KCNQ1: variants seen among roughly 807,000 people sequenced by gnomAD.
The protein encoded by KCNQ1 is potassium voltage-gated channel subfamily KQT member 1.
A neutral mutation model predicts 72.4 loss-of-function variants in KCNQ1; 49 were observed. The ratio of observed to expected loss-of-function variants is 0.68; its 90% CI spans 0.54 to 0.86. KCNQ1 has a LOEUF of 0.86. Among genes scored for constraint, KCNQ1 ranks in the 40% least tolerant of loss-of-function variants. KCNQ1 has a pLI of 0.00. For missense variants in KCNQ1, 790 were observed against 945.1 expected (o/e 0.84, Z 2.15); for synonymous variants, 450 against 412.6 (o/e 1.09, Z -1.10).
intron 10 of KCNQ1, chr11:2,615,226 G>T: frequency 5.0e-6 from 2 of 398,060 alleles, no homozygotes; most frequent in South Asian, 1.3e-4. Context: ...AGGCACAAAT[G>T]ATTTTCTTAA....
intron 1 of KCNQ1, among the ~76,000 whole-genome samples, chr11:2,469,436 G>A (rs1468358801): frequency 6.6e-6 from 1 of 151,854 alleles, no homozygotes; most frequent in Non-Finnish European, 1.5e-5. Context: ...ACCATGACTG[G>A]CTAATATTTG....
In KCNQ1 at chr11:2,508,309, T is replaced by G. The variant is rs1054186998; in HGVS notation, c.387-19619T>G. 1.6e-4 allele frequency among the ~76,000 whole-genome samples: 25 copies of G among 152,200 alleles called. No homozygotes were observed. The highest frequency in any genetic ancestry group is 1.2e-3 in the Admixed American group (19 of 15,290). On this transcript the variant is annotated intron_variant, in intron 1 of 15. Coordinates refer to ENST00000155840, the MANE Select transcript of KCNQ1 (RefSeq NM_000218.3). This position sits in a 1 kb window ranked among gnomAD's most constrained non-coding sequence, Gnocchi z 6.2. ...GACTTGCCGTTACCCGGCGGAGATA[T>G]GTCTTGGAAAGACTTTAGGCCAGGA... is the stretch of plus-strand genomic sequence containing the variant.
intron 12 of KCNQ1, among the ~76,000 whole-genome samples, chr11:2,773,058 C>A (rs1846627903): frequency 1.3e-5 from 2 of 152,234 alleles, no homozygotes; most frequent in African/African-American, 4.8e-5. Context: ...CAACTCCCAT[C>A]CTATGTCATC....
At position 2,673,129 on chromosome 11, in the gene KCNQ1, C is replaced by T. The variant is rs758387911; in HGVS notation, c.1514+11048C>T. The T allele has an allele frequency of 2.5e-5, 10 of 398,734 alleles. No individual in the cohort carries two copies. The highest frequency in any genetic ancestry group is 3.5e-5 in the Non-Finnish European group (8 of 226,258). The allele number at this position is 398,734 out of a possible 1,614,324, so 24.7% of individuals were successfully genotyped here. The stretch of plus-strand genomic sequence containing the variant: ...GAGACCCCAGCAGGCAGCATCAGGG[C>T]AGGGGTGCTGACCATCCCTGACCCA... On this transcript the variant is annotated intron_variant, in intron 11 of 15. Coordinates refer to ENST00000155840, the MANE Select transcript of KCNQ1 (RefSeq NM_000218.3). This position sits in a 1 kb window ranked among gnomAD's most constrained non-coding sequence, Gnocchi z 4.5.
chr11:2,628,580 G>A (rs11023540), intron 10 of KCNQ1: 283,668 of 398,172 alleles, frequency 0.71, 102,360 homozygotes, highest in East Asian at 0.86. Flanking sequence ...ATTTTCTCCC[G>A]CTACATGTGC....
At chr11:2,799,383 T>TGA (rs1218316713) in intron 15 of KCNQ1, among the ~76,000 whole-genome samples, 2 of 151,902 alleles carry the variant, frequency 1.3e-5, no homozygotes, top group African/African-American at 2.4e-5. Context: ...CGAGTGTGTG[T>TGA]GTGTGTGTGT....
At chr11:2,590,732 C>T (rs960941151) in intron 10 of KCNQ1, among the ~76,000 whole-genome samples, 1 of 152,238 alleles carries the variant, frequency 6.6e-6, no homozygotes, top group African/African-American at 2.4e-5. Context: ...GAGGCTTGAC[C>T]CCACCCTGGA....
intron 10 of KCNQ1, chr11:2,628,797 T>A (rs1849304121): frequency 2.5e-6 from 1 of 398,270 alleles, no homozygotes; most frequent in Non-Finnish European, 4.4e-6. Flanking sequence ...TTCTCTACAG[T>A]GTAGGGTAAG....
At chr11:2,605,789 A>T (rs1589977602) in intron 10 of KCNQ1, among the ~76,000 whole-genome samples, 1 of 152,226 alleles carries the variant, frequency 6.6e-6, no homozygotes, top group East Asian at 1.9e-4. Context: ...GAAGTTGAAC[A>T]TCAGCTTATT....
chr11:2,624,960 T>G lies in KCNQ1; in HGVS notation c.1393+36106T>G, dbSNP rs1157126185. ...TGAATAATATTACATTGTATGTATA[T>G]ACCACATTTTGCTTATCCATTCTTC... On this transcript the variant is annotated intron_variant, in intron 10 of 15. Transcript: ENST00000155840. This position sits in a 1 kb window ranked among gnomAD's most constrained non-coding sequence, Gnocchi z 4.9. The G allele has an allele frequency of 1.5e-5, 6 of 398,488 alleles. No homozygotes were observed. The highest frequency in any genetic ancestry group is 2.2e-5 in the Non-Finnish European group (5 of 226,072). The allele number at this position is 398,488 out of a possible 1,614,324, so 24.7% of individuals were successfully genotyped here. A position where few individuals can be genotyped will look rare whatever the true frequency, so the allele number is the denominator to read the frequency against.
In KCNQ1 at chr11:2,450,511, G is replaced by A. The variant is rs1484970342; in HGVS notation, c.386+5027G>A. 6.6e-6 allele frequency among the ~76,000 whole-genome samples: 1 copy of A among 152,220 alleles called. No individual in the cohort carries two copies. The highest frequency in any genetic ancestry group is 2.4e-5 in the African/African-American group (1 of 41,536). Reference sequence around the variant, plus strand: ...GGCGGCAGCGTCTGGCTTCACTCTCGGGAGGTGCCTTGGGGCTGGCCAGTA... The same window carrying A: ...GGCGGCAGCGTCTGGCTTCACTCTCAGGAGGTGCCTTGGGGCTGGCCAGTA... On this transcript the variant is annotated intron_variant, in intron 1 of 15. Coordinates refer to ENST00000155840, the MANE Select transcript of KCNQ1 (RefSeq NM_000218.3). The surrounding 1 kb of genome is among the most constrained non-coding windows in gnomAD (Gnocchi z 7.9).
chr11:2,714,236 G>T (rs570094404), intron 11 of KCNQ1, among the ~76,000 whole-genome samples: 1 of 152,352 alleles, frequency 6.6e-6, no homozygotes, highest in East Asian at 1.9e-4. Context: ...GCATCTCATG[G>T]GGGGGTTGGG....
intron 1 of KCNQ1, among the ~76,000 whole-genome samples, chr11:2,489,793 T>C (rs974533384): frequency 1.1e-4 from 16 of 152,118 alleles, no homozygotes; most frequent in African/African-American, 3.9e-4. Context: ...TCCACTGCCT[T>C]GGAGGGAAGG....
In KCNQ1 at chr11:2,462,037, C is replaced by T. The variant is rs532245335; in HGVS notation, c.386+16553C>T. The T allele has an allele frequency of 2.4e-5, 8 of 327,648 alleles. No individual in the cohort carries two copies. Among genetic ancestry groups the T allele is most frequent in the East Asian group, 7.8e-5 (1 of 12,852 alleles). The allele number at this position is 327,648 out of a possible 1,614,324, so 20.3% of individuals were successfully genotyped here. A position where few individuals can be genotyped will look rare whatever the true frequency, so the allele number is the denominator to read the frequency against. ...AGCTGGGATGCATTGCTGCTCCTTC[C>T]GCCATCCCAGCAGCTGTCCAGAGAT... On this transcript the variant is annotated intron_variant, in intron 1 of 15. Transcript: ENST00000155840. The surrounding 1 kb of genome is among the most constrained non-coding windows in gnomAD (Gnocchi z 8.2).
chr11:2,582,013 G>GT (rs1250075916), intron 6 of KCNQ1, among the ~76,000 whole-genome samples: 1 of 152,230 alleles, frequency 6.6e-6, no homozygotes, highest in African/African-American at 2.4e-5. Context: ...CAGGGCACTA[G>GT]TGGGGCAGGG....
In KCNQ1 at chr11:2,445,342, CG is replaced by C; in HGVS notation, c.246del (p.Pro83ArgfsTer3). The stretch of plus-strand genomic sequence containing the variant: ...CCCAGTTGCCTCCGACCTTGGCCCG[CG>C]GCCGCCGGTGAGCCTAGACCCGCGC... ...APPVASDLGP[R>X]PPVSLDPRVS... On this transcript the variant is annotated frameshift_variant, in exon 1 of 16. Coordinates refer to ENST00000155840, the MANE Select transcript of KCNQ1 (RefSeq NM_000218.3). LOFTEE classifies it high-confidence loss of function. The C allele has an allele frequency of 6.3e-7, 1 of 1,591,418 alleles. No individual in the cohort carries two copies. The highest frequency in any genetic ancestry group is 1.1e-5 in the South Asian group (1 of 90,240).
chr11:2,492,895 T>C lies in KCNQ1; in HGVS notation c.387-35033T>C, dbSNP rs546638953. On this transcript the variant is annotated intron_variant, in intron 1 of 15. Coordinates refer to ENST00000155840, the MANE Select transcript of KCNQ1 (RefSeq NM_000218.3). The surrounding 1 kb of genome is among the most constrained non-coding windows in gnomAD (Gnocchi z 4.1). ...GTAATGGGATTGCTGGGTCAAATGG[T>C]ATTTCTAGTTCTAGAATCTAGTTCT... is the stretch of plus-strand genomic sequence containing the variant. Among the ~76,000 whole-genome samples, 18 of 152,320 alleles carry C rather than the reference T, an allele frequency of 1.2e-4. No individual in the cohort carries two copies. The highest frequency in any genetic ancestry group is 9.8e-4 in the Admixed American group (15 of 15,298).
intron 11 of KCNQ1, among the ~76,000 whole-genome samples, chr11:2,726,760 A>G (rs546635302): frequency 7.2e-5 from 11 of 152,278 alleles, no homozygotes; most frequent in Admixed American, 2.6e-4. Flanking sequence ...CGGCTTTCCC[A>G]TGGAATGTGC....
chr11:2,599,644 A>C lies in KCNQ1; in HGVS notation c.1393+10790A>C, dbSNP rs1172240515. On this transcript the variant is annotated intron_variant, in intron 10 of 15. Coordinates refer to ENST00000155840, the MANE Select transcript of KCNQ1 (RefSeq NM_000218.3). This position sits in a 1 kb window ranked among gnomAD's most constrained non-coding sequence, Gnocchi z 4.7. ...TTCTGGAGGATAGAAGTCTGAGATC[A>C]AGGTGTCAGCAAGGCTGCTTTCCCT... Among the ~76,000 whole-genome samples the C allele has an allele frequency of 6.6e-6, 1 of 152,230 alleles. No homozygotes were observed. Among genetic ancestry groups the C allele is most frequent in the Non-Finnish European group, 1.5e-5 (1 of 68,046 alleles).
Sources: allele counts gnomAD v4.1 joint callset (sites outside exome capture counted in the v4.1 genomes callset), GRCh38; gene constraint gnomAD v4.1.1; non-coding constraint Gnocchi (gnomAD v3.1); transcripts MANE v1.5; gene names NCBI Gene and HGNC (gene_info 2026-07-23, HGNC 2026-07-21).